The following LHFPL2 variants were observed in gnomAD, a reference collection of about 807,000 sequenced individuals.
LHFPL2 encodes the protein LHFPL tetraspan subfamily member 2, also known as LHFPL tetraspan subfamily member 2 protein.
Under a neutral mutation model 17.5 loss-of-function variants are expected in LHFPL2, and 7 were observed. That is an observed-to-expected ratio of 0.40 (90% CI 0.23 to 0.75). The LOEUF is 0.75. LHFPL2 is among the 30% of genes least tolerant of loss of function. The probability of loss-of-function intolerance (pLI) is 0.37; values close to 1 mark genes in which losing one functional copy is unlikely to be tolerated. For missense variants in LHFPL2, 241 were observed against 294.8 expected (o/e 0.82, Z 1.34); for synonymous variants, 134 against 116.2 (o/e 1.15, Z -0.99).
At chr5:78,544,286 G>A (rs907600033) in intron 3 of LHFPL2, among the ~76,000 whole-genome samples, 1 of 152,220 alleles carries the variant, frequency 6.6e-6, no homozygotes, top group African/African-American at 2.4e-5. Context: ...CCTTGCACAG[G>A]CATCTGGCAC....
At chr5:78,529,214 G>GGTT (rs1458899685) in intron 3 of LHFPL2, among the ~76,000 whole-genome samples, 2 of 152,106 alleles carry the variant, frequency 1.3e-5, no homozygotes, top group African/African-American at 4.8e-5. Flanking sequence ...TGAGCCCAGG[G>GGTT]GTTCAAGGCT....
chr5:78,491,262 G>C (rs1419537961), intron 4 of LHFPL2: 1 of 152,218 alleles, frequency 6.6e-6, no homozygotes, highest in South Asian at 2.1e-4. Flanking sequence ...GTTTGAAGAG[G>C]GGTGATTCAC....
intron 2 of LHFPL2, among the ~76,000 whole-genome samples, chr5:78,586,190 G>A (rs1021474127): frequency 6.6e-6 from 1 of 152,072 alleles, no homozygotes; most frequent in African/African-American, 2.4e-5. Context: ...CTCTTCCCTC[G>A]GGCAAGTTAC....
intron 1 of LHFPL2, among the ~76,000 whole-genome samples, chr5:78,643,985 C>A (rs1026585634): frequency 2.0e-5 from 3 of 152,086 alleles, no homozygotes; most frequent in African/African-American, 7.2e-5. Flanking sequence ...TCGCTTGAAC[C>A]CAGGAGGACA....
At chr5:78,624,355 C>G (rs1744959829) in intron 2 of LHFPL2, among the ~76,000 whole-genome samples, 1 of 152,196 alleles carries the variant, frequency 6.6e-6, no homozygotes, top group Non-Finnish European at 1.5e-5. Flanking sequence ...CCAGGAGGAA[C>G]TGTGTTCTCT....
chr5:78,495,648 CT>C (rs1305775280), intron 4 of LHFPL2, among the ~76,000 whole-genome samples: 1 of 152,296 alleles, frequency 6.6e-6, no homozygotes, highest in Middle Eastern at 3.4e-3. Flanking sequence ...CACTCAGCAC[CT>C]TTACTAAGTC....
At chr5:78,557,323 A>C (rs992075373) in intron 3 of LHFPL2, among the ~76,000 whole-genome samples, 4 of 152,228 alleles carry the variant, frequency 2.6e-5, no homozygotes, top group Non-Finnish European at 5.9e-5. Context: ...AATAGACTTA[A>C]TATACCTGAT....
rs574287408 is a variant in LHFPL2 at position 78,627,979 on chromosome 5, G to GT, written c.-245+4284dup. Among the ~76,000 whole-genome samples, 17 of 152,304 alleles carry GT rather than the reference G, an allele frequency of 1.1e-4. 1 individual carries two copies. In the East Asian group the frequency reaches 3.3e-3, roughly 29 times the overall value. On this transcript the variant is annotated intron_variant, in intron 2 of 4. Coordinates refer to ENST00000380345, the MANE Select transcript of LHFPL2 (RefSeq NM_005779.3). The stretch of plus-strand genomic sequence containing the variant: ...TTCAGATGGAATGCCATGTTCCTGA[G>GT]TAGCTGGCTGAGTCCTACATCAGGA...
intron 2 of LHFPL2, among the ~76,000 whole-genome samples, chr5:78,577,920 T>C (rs1181629585): frequency 6.6e-6 from 1 of 152,184 alleles, no homozygotes; most frequent in Non-Finnish European, 1.5e-5. Flanking sequence ...ATTTTTGCCC[T>C]TGGCCTCCTG....
intron 2 of LHFPL2, among the ~76,000 whole-genome samples, chr5:78,585,110 C>T (rs1398597207): frequency 3.7e-5 from 4 of 107,668 alleles, no homozygotes; most frequent in Non-Finnish European, 8.5e-5. Flanking sequence ...GGGTTCACGC[C>T]ATTCTCCTGC....
chr5:78,488,955 G>A lies in LHFPL2; in HGVS notation c.629C>T (p.Ser210Phe). 2 of 1,614,170 alleles carry A rather than the reference G, an allele frequency of 1.2e-6. No homozygotes were observed. The highest frequency in any genetic ancestry group is 1.1e-5 in the South Asian group (1 of 91,084). ...VFSAQAEIAT[S>F]SDKVQEEIEE... ...AATTTCTTCCTGTACTTTGTCACTA[G>A]AGGTTGCAATTTCTGCTTGTGCAGA... Residue 210 changes from serine to phenylalanine, a missense_variant, in exon 5 of 5, where the codon TCT (serine) becomes TTT (phenylalanine). Ser to Phe is a radical substitution (Grantham distance 155). Transcript: ENST00000380345.
chr5:78,615,072 A>G (rs565884681), intron 2 of LHFPL2, among the ~76,000 whole-genome samples: 1 of 152,328 alleles, frequency 6.6e-6, no homozygotes, highest in African/African-American at 2.4e-5. Context: ...ACTTCCACCT[A>G]CAATGGGGGC....
intron 1 of LHFPL2, among the ~76,000 whole-genome samples, chr5:78,646,581 TC>T (rs1043673467): frequency 6.6e-6 from 1 of 152,258 alleles, no homozygotes; most frequent in African/African-American, 2.4e-5. Flanking sequence ...AATTTGGGTC[TC>T]CTATATTTGG....
chr5:78,553,439 G>A (rs1580802124), intron 3 of LHFPL2, among the ~76,000 whole-genome samples: 1 of 152,268 alleles, frequency 6.6e-6, no homozygotes, highest in Middle Eastern at 3.4e-3. Flanking sequence ...TGGGTTGGGG[G>A]CCTTTAAGGA....
intron 2 of LHFPL2, among the ~76,000 whole-genome samples, chr5:78,573,612 G>A (rs1268676125): frequency 1.3e-5 from 2 of 152,212 alleles, no homozygotes; most frequent in Non-Finnish European, 2.9e-5. Flanking sequence ...TTAGGCAGAG[G>A]AGGAAGTGAG....
At position 78,488,586 on chromosome 5, in the gene LHFPL2, TGCTGCC is replaced by T. The variant is rs1754328629; in HGVS notation, c.*305_*310del. 1 of 330,890 alleles carries T rather than the reference TGCTGCC, an allele frequency of 3.0e-6. No individual in the cohort carries two copies. The highest frequency in any genetic ancestry group is 3.7e-5 in the South Asian group (1 of 27,318). The allele number at this position is 330,890 out of a possible 1,614,324, so 20.5% of individuals were successfully genotyped here. Reference sequence around the variant, plus strand: ...CGGTCTCTTCCGTTACCAGAGAAACTGCTGCCCTAATGATTTAGATTATTATCCTTC... The same window carrying T: ...CGGTCTCTTCCGTTACCAGAGAAACTCTAATGATTTAGATTATTATCCTTC... On this transcript the variant is annotated 3_prime_UTR_variant, in exon 5 of 5. Coordinates refer to ENST00000380345, the MANE Select transcript of LHFPL2 (RefSeq NM_005779.3).
intron 2 of LHFPL2, among the ~76,000 whole-genome samples, chr5:78,598,632 A>C (rs1317441209): frequency 1.3e-5 from 2 of 152,196 alleles, no homozygotes; most frequent in African/African-American, 2.4e-5. Context: ...AGAACAGAGA[A>C]AGTTTGGGAT....
At chr5:78,574,437 G>C (rs566776522) in intron 2 of LHFPL2, among the ~76,000 whole-genome samples, 1 of 152,178 alleles carries the variant, frequency 6.6e-6, no homozygotes, top group Non-Finnish European at 1.5e-5. Context: ...CTGGCCAGAG[G>C]GCCCAGCTCA....
intron 2 of LHFPL2, among the ~76,000 whole-genome samples, chr5:78,578,938 T>C (rs1226603728): frequency 1.3e-5 from 2 of 152,164 alleles, no homozygotes; most frequent in African/African-American, 4.8e-5. Flanking sequence ...CAAGTCTTGC[T>C]CCCTGCTCCT....
Sources: gnomAD v4.1 joint callset for allele counts (sites outside exome capture counted in the v4.1 genomes callset) on GRCh38, gnomAD v4.1.1 for gene constraint, MANE v1.5 for transcripts, NCBI Gene and HGNC (gene_info 2026-07-23, HGNC 2026-07-21) for gene names.